SLC66A2: variants seen among roughly 807,000 people sequenced by gnomAD.
The protein encoded by SLC66A2 is PQ loop repeat containing 1.
SLC66A2 carries 23 observed loss-of-function variants against 25.5 expected under a neutral mutation model. The ratio of observed to expected loss-of-function variants is 0.90; its 90% confidence interval spans 0.65 to 1.28. The LOEUF (loss-of-function observed/expected upper bound fraction) is 1.28. Ranked by LOEUF, SLC66A2 falls within the 50% of genes most tolerant of loss-of-function variation. The probability of loss-of-function intolerance (pLI) is 0.00; values close to 1 mark genes in which losing one functional copy is unlikely to be tolerated. For missense variants in SLC66A2, 396 were observed against 373.1 expected (o/e 1.06, Z -0.51); for synonymous variants, 193 against 166.5 (o/e 1.16, Z -1.23).
chr18:79,951,644 G>T lies in SLC66A2; in HGVS notation c.-163C>A, dbSNP rs2051134583. 1 of 151,704 alleles carries T rather than the reference G, an allele frequency of 6.6e-6. No individual in the cohort carries two copies. Among genetic ancestry groups the T allele is most frequent in the Non-Finnish European group, 1.5e-5 (1 of 67,618 alleles). 9.4% of individuals were successfully genotyped at this position (151,704 alleles called of 1,614,324 possible). On this transcript the variant is annotated 5_prime_UTR_variant, in exon 1 of 6. Transcript: ENST00000397778. ...GCGCCGCTGACCCGCGCGCGTCTCG[G>T]CGTCAGTCCGCTCAGGCGCCGGGAA...
Position 79,934,015 on chromosome 18 carries a change from A to G in SLC66A2, c.345T>C (p.Asp115=). Residue 115 remains aspartate, a synonymous_variant, in exon 4 of 6, where the codon GAT becomes GAC. Coordinates refer to ENST00000397778, the MANE Select transcript of SLC66A2 (RefSeq NM_025078.5). The part of the protein sequence containing the change: ...NARRRSFTAA[D]SKDEEVKVAP... The stretch of plus-strand genomic sequence containing the variant: ...CAACCTTGACTTCTTCATCCTTGCT[A>G]TCTGCAGCTACACGTTAAAAAGGGA... 6.2e-7 allele frequency: 1 copy of G among 1,612,376 alleles called. No homozygotes were observed. The highest frequency in any genetic ancestry group is 1.6e-4 in the Middle Eastern group (1 of 6,062).
Position 79,904,148 on chromosome 18 carries a change from G to A in SLC66A2, c.644C>T (p.Ala215Val). The change falls in exon 6 of 6, where the codon GCC becomes GTC. Residue 215 changes from alanine to valine, a missense_variant. Physicochemically the swap from Ala to Val is moderately conservative, Grantham distance 64 (BLOSUM62 0). Coordinates refer to ENST00000397778, the MANE Select transcript of SLC66A2 (RefSeq NM_025078.5). The surrounding 1 kb of genome is among the most constrained non-coding windows in gnomAD (Gnocchi z 6.3). ...CAGCAGGAAGTAGGCCGTCTTGAAG[G>A]CGTCACCACTGGTCCACATGAGCAC... Reference protein sequence around the residue: ...KMVLMWTSGDAFKTAYFLLKG... With the variant: ...KMVLMWTSGDVFKTAYFLLKG... 3.1e-6 allele frequency: 5 copies of A among 1,612,994 alleles called. No individual in the cohort carries two copies. The highest frequency in any genetic ancestry group is 4.2e-6 in the Non-Finnish European group (5 of 1,179,796).
At chr18:79,942,541 T>C (rs1203793993) in intron 3 of SLC66A2, among the ~76,000 whole-genome samples, 3 of 152,152 alleles carry the variant, frequency 2.0e-5, no homozygotes, top group Admixed American at 2.0e-4. Context: ...CTTAACAAAC[T>C]CTGGGAAGAT....
Position 79,904,226 on chromosome 18 carries a change from G to A in SLC66A2, c.609-43C>T, listed in dbSNP as rs372063876. The A allele has an allele frequency of 3.8e-5, 59 of 1,570,804 alleles. No homozygotes were observed. In the South Asian group the frequency reaches 3.9e-4, roughly 10 times the overall value. ...GGCGGTCAGCGGTGGGGAGGGCGGC[G>A]ACCTGGGCTCAGTCAGTGGGGAGGC... On this transcript the variant is annotated intron_variant, in intron 5 of 5. Coordinates refer to ENST00000397778, the MANE Select transcript of SLC66A2 (RefSeq NM_025078.5). The surrounding 1 kb of genome is among the most constrained non-coding windows in gnomAD (Gnocchi z 6.3).
At chr18:79,926,894 A>G (rs1385781613) in intron 4 of SLC66A2, among the ~76,000 whole-genome samples, 2 of 152,160 alleles carry the variant, frequency 1.3e-5, no homozygotes, top group Non-Finnish European at 2.9e-5. Flanking sequence ...TGGCAAAGAA[A>G]CTGTTCTTTT....
At chr18:79,943,235 C>T in intron 3 of SLC66A2, 94 bp downstream of exon 3, 1 of 1,452,168 alleles carries the variant, frequency 6.9e-7, no homozygotes, top group Non-Finnish European at 9.3e-7. Flanking sequence ...ATGAAAGCTG[C>T]TTGGATCAGG....
intron 5 of SLC66A2, among the ~76,000 whole-genome samples, chr18:79,914,399 G>A (rs1462936260): frequency 6.6e-6 from 1 of 152,202 alleles, no homozygotes; most frequent in Non-Finnish European, 1.5e-5. Context: ...GCCCCCATCA[G>A]GCAGATCGGA....
chr18:79,935,677 G>A (rs1470969151), intron 3 of SLC66A2, among the ~76,000 whole-genome samples: 1 of 152,180 alleles, frequency 6.6e-6, no homozygotes, highest in Admixed American at 6.5e-5. Context: ...TTGGGACCTG[G>A]CCGCCATGTT....
At chr18:79,913,605 G>A (rs1471475250) in intron 5 of SLC66A2, among the ~76,000 whole-genome samples, 9 of 152,198 alleles carry the variant, frequency 5.9e-5, no homozygotes, top group East Asian at 1.9e-4. Flanking sequence ...GTGTGCATGC[G>A]CGCACGCGCG....
At chr18:79,943,297 T>C in intron 3 of SLC66A2, 32 bp downstream of exon 3, 1 of 1,594,904 alleles carries the variant, frequency 6.3e-7, no homozygotes, top group Non-Finnish European at 8.6e-7. Context: ...CCTGATTCCC[T>C]GCGACTTTAT....
rs3833184 is a variant in SLC66A2 at position 79,903,671 on chromosome 18, CTTGGGCTCAGACG to C, written c.*292_*304del. On this transcript the variant is annotated 3_prime_UTR_variant, in exon 6 of 6. Coordinates refer to ENST00000397778, the MANE Select transcript of SLC66A2 (RefSeq NM_025078.5). ...TTCCTGCAGGCCGCCCAATGTGTAC[CTTGGGCTCAGACG>C]GTGTTTCATAAGAGGAAATGGGGAA... 0.034 allele frequency: 13,965 copies of C among 412,346 alleles called. 741 individuals are homozygous for C. The highest frequency in any genetic ancestry group is 0.23 in the East Asian group (4,701 of 20,892). 25.5% of individuals were successfully genotyped at this position (412,346 alleles called of 1,614,324 possible).
chr18:79,934,757 A>G (rs1272696743), intron 3 of SLC66A2, among the ~76,000 whole-genome samples: 2 of 152,224 alleles, frequency 1.3e-5, no homozygotes, highest in African/African-American at 2.4e-5. Flanking sequence ...AAGAGACTCA[A>G]ATAAGTCCTG....
chr18:79,916,807 C>T (rs975006987), intron 5 of SLC66A2, among the ~76,000 whole-genome samples: 8 of 152,230 alleles, frequency 5.3e-5, no homozygotes, highest in African/African-American at 1.7e-4. Flanking sequence ...TATCAGCAAC[C>T]GTGTTTCCCA....
chr18:79,924,427 G>A (rs117315222), intron 4 of SLC66A2, among the ~76,000 whole-genome samples: 1,530 of 152,250 alleles, frequency 0.01, 17 homozygotes, highest in Non-Finnish European at 0.017. Context: ...GGGGGAAGAC[G>A]GAACTTGGGG....
Position 79,919,421 on chromosome 18 carries a change from A to T in SLC66A2, c.392-21T>A, listed in dbSNP as rs1294617821. On this transcript the variant is annotated intron_variant, in intron 4 of 5. Coordinates refer to ENST00000397778, the MANE Select transcript of SLC66A2 (RefSeq NM_025078.5). ...GAAGTCTAGGGCGAGAGGGAGAAGC[A>T]GCCTCAGCACAGCTTAGGGTCCAGG... 3 of 1,599,214 alleles carry T rather than the reference A, an allele frequency of 1.9e-6. No homozygotes were observed. The East Asian group carries it at 6.8e-5, about 36-fold the overall frequency.
chr18:79,911,342 G>A (rs959982557), intron 5 of SLC66A2, among the ~76,000 whole-genome samples: 1 of 152,218 alleles, frequency 6.6e-6, no homozygotes, highest in Non-Finnish European at 1.5e-5. Flanking sequence ...GCTGGCCCAC[G>A]CCCCGTGAGG....
At chr18:79,905,905 G>C (rs1359473598) in intron 5 of SLC66A2, among the ~76,000 whole-genome samples, 7 of 152,164 alleles carry the variant, frequency 4.6e-5, no homozygotes, top group Admixed American at 4.6e-4. Context: ...ACAATTTCTG[G>C]CTTCTCTGGA....
At chr18:79,948,762 G>A (rs1404937199) in intron 2 of SLC66A2, among the ~76,000 whole-genome samples, 1 of 152,212 alleles carries the variant, frequency 6.6e-6, no homozygotes, top group African/African-American at 2.4e-5. Flanking sequence ...ATTTTGGAGA[G>A]AATTTATTCT....
intron 2 of SLC66A2, among the ~76,000 whole-genome samples, chr18:79,947,578 C>T (rs865888122): frequency 3.3e-5 from 5 of 151,884 alleles, no homozygotes; most frequent in African/African-American, 1.2e-4. Flanking sequence ...GAGCCCAGCC[C>T]AGCCCCACCT....
Sources: gnomAD v4.1 joint callset for allele counts (sites outside exome capture counted in the v4.1 genomes callset) on GRCh38, gnomAD v4.1.1 for gene constraint, Gnocchi (gnomAD v3.1) non-coding constraint, MANE v1.5 for transcripts, NCBI Gene and HGNC (gene_info 2026-07-23, HGNC 2026-07-21) for gene names.